LOC112694756: variants seen among roughly 807,000 people sequenced by gnomAD.
chr16:30,070,258 C>T, the LOC112694756 span: 2 of 1,596,220 alleles, frequency 1.3e-6, no homozygotes, highest in South Asian at 2.2e-5. Flanking sequence ...GCCCTGCCCC[C>T]TCCCACTCTT....
the LOC112694756 span, among the ~76,000 whole-genome samples, chr16:30,057,302 T>C: frequency 6.6e-6 from 1 of 151,982 alleles, no homozygotes; most frequent in Non-Finnish European, 1.5e-5. Context: ...CCTCCTGAAG[T>C]GGGGAGTAAG....
the LOC112694756 span, chr16:30,054,858 C>T: frequency 3.8e-5 from 15 of 399,442 alleles, no homozygotes; most frequent in Admixed American, 2.6e-4. Flanking sequence ...TCCCTGCCAT[C>T]GTCTTCATCG....
At chr16:30,057,477 G>T in the LOC112694756 span, among the ~76,000 whole-genome samples, 1 of 152,062 alleles carries the variant, frequency 6.6e-6, no homozygotes, top group Non-Finnish European at 1.5e-5. Flanking sequence ...AAATGTAATC[G>T]ACCACCGTCC....
chr16:30,069,440 G>A, the LOC112694756 span: 3 of 1,613,772 alleles, frequency 1.9e-6, no homozygotes, highest in African/African-American at 1.3e-5. Flanking sequence ...GGGGACCCTG[G>A]GGCTAACCCC....
chr16:30,070,109 C>G, the LOC112694756 span: 2 of 1,613,998 alleles, frequency 1.2e-6, no homozygotes, highest in South Asian at 2.2e-5. Flanking sequence ...ACCCCTCTCC[C>G]TGCTTAGGCC....
chr16:30,059,773 G>A, the LOC112694756 span, among the ~76,000 whole-genome samples: 1 of 151,552 alleles, frequency 6.6e-6, no homozygotes, highest in African/African-American at 2.4e-5. Context: ...ATGTTGGCCA[G>A]GCTGGTCTTG....
chr16:30,068,566 G>C, the LOC112694756 span: 1 of 1,504,190 alleles, frequency 6.6e-7, no homozygotes, highest in East Asian at 2.3e-5. Flanking sequence ...TTCCACCACT[G>C]TACTCCAGCC....
chr16:30,070,041 C>T, the LOC112694756 span: 85 of 1,613,586 alleles, frequency 5.3e-5, no homozygotes, highest in Non-Finnish European at 6.8e-5. Context: ...TAAGGATAGG[C>T]AGGAGGTGGG....
chr16:30,054,100 A>G, the LOC112694756 span, among the ~76,000 whole-genome samples: 1 of 152,086 alleles, frequency 6.6e-6, no homozygotes, highest in South Asian at 2.1e-4. Flanking sequence ...CGGGCGGATC[A>G]CCTGAGATCA....
chr16:30,066,864 C>G, the LOC112694756 span: 3 of 1,544,800 alleles, frequency 1.9e-6, no homozygotes, highest in Non-Finnish European at 2.6e-6. Context: ...CTAAAATACT[C>G]CGGTTCGGTT....
At chr16:30,059,906 G>T in the LOC112694756 span, among the ~76,000 whole-genome samples, 19 of 152,080 alleles carry the variant, frequency 1.2e-4, no homozygotes, top group East Asian at 3.7e-3. Context: ...TTACTTACCA[G>T]GCATCGTGCT....
the LOC112694756 span, chr16:30,068,958 T>C: frequency 1.2e-6 from 2 of 1,614,260 alleles, no homozygotes; most frequent in East Asian, 4.5e-5. Flanking sequence ...TCTGGCCCGT[T>C]ATGCCAGTAT....
At chr16:30,067,370 C>T in the LOC112694756 span, 636 of 1,613,998 alleles carry the variant, frequency 3.9e-4, 1 homozygote, top group African/African-American at 6.1e-3. Flanking sequence ...TCCACTGGTG[C>T]GGGCAGGAGA....
chr16:30,068,228 AATTTTTTTTGT>A, the LOC112694756 span: 2 of 315,982 alleles, frequency 6.3e-6, no homozygotes, highest in Admixed American at 9.0e-5. Context: ...CCACCCGGCT[AATTTTTTTTGT>A]ATTTTTAGTA....
At chr16:30,055,236 A>C in the LOC112694756 span, 1 of 399,366 alleles carries the variant, frequency 2.5e-6, no homozygotes, top group Non-Finnish European at 4.4e-6. Context: ...GGGCCCCCAG[A>C]CTGCTGCTGG....
chr16:30,056,105 G>GTTTTTTTTT, the LOC112694756 span, among the ~76,000 whole-genome samples: 1 of 119,548 alleles, frequency 8.4e-6, no homozygotes, highest in South Asian at 2.8e-4. Context: ...CCCAGCCATG[G>GTTTTTTTTT]TTTTTTTTTT....
At chr16:30,058,919 GAGA>G in the LOC112694756 span, 1 of 398,340 alleles carries the variant, frequency 2.5e-6, no homozygotes, top group African/African-American at 2.1e-5. Flanking sequence ...AAACAAGATG[GAGA>G]AGGTCCCCAG....
chr16:30,068,946 G>A, the LOC112694756 span: 1 of 1,614,246 alleles, frequency 6.2e-7, no homozygotes, highest in East Asian at 2.2e-5. Flanking sequence ...AAATGCCAAT[G>A]TTCTGGCCCG....
chr16:30,065,066 T>C, the LOC112694756 span, among the ~76,000 whole-genome samples: 27 of 152,232 alleles, frequency 1.8e-4, no homozygotes, highest in Non-Finnish European at 2.9e-4. Flanking sequence ...ACTACCAGCC[T>C]GGCTGCGGCG....
Sources: gnomAD v4.1 joint callset for allele counts (sites outside exome capture counted in the v4.1 genomes callset) on GRCh38, gnomAD v4.1.1 for gene constraint, MANE v1.5 for transcripts.